Variants in ZSCAN1 observed in about 807,000 individuals in gnomAD.
ZSCAN1 encodes zinc finger and SCAN domain containing 1, also known as zinc finger and SCAN domain-containing protein 1.
A neutral mutation model predicts 23.8 loss-of-function variants in ZSCAN1; 23 were observed. The observed-to-expected ratio is 0.97, with a 90% CI of 0.70 to 1.37. The LOEUF is 1.37. ZSCAN1 is among the 40% of genes most tolerant of loss of function. ZSCAN1 has a pLI of 0.00. For synonymous variants in ZSCAN1, 236 were observed against 232.3 expected (o/e 1.02, Z -0.15); for missense variants, 575 against 554.0 (o/e 1.04, Z -0.38).
Position 58,040,255 on chromosome 19 carries a change from G to A in ZSCAN1, c.371-195G>A, listed in dbSNP as rs565958205. ...AGTGAAGAGGGTACTTGTCTTCAGC[G>A]GCCCTCGGTGTCACCACAGGTTCCT... is the stretch of plus-strand genomic sequence containing the variant. On this transcript the variant is annotated intron_variant, in intron 3 of 5. Transcript: ENST00000282326. This position sits in a 1 kb window ranked among gnomAD's most constrained non-coding sequence, Gnocchi z 5.8. Among the ~76,000 whole-genome samples, 7 of 152,084 alleles carry A rather than the reference G, an allele frequency of 4.6e-5. No homozygotes were observed. The highest frequency in any genetic ancestry group is 7.4e-5 in the Non-Finnish European group (5 of 68,010).
chr19:58,034,526 C>T (rs1568599890), intron 1 of ZSCAN1, among the ~76,000 whole-genome samples: 1 of 151,988 alleles, frequency 6.6e-6, no homozygotes, highest in Non-Finnish European at 1.5e-5. Flanking sequence ...ACCGCTCGGC[C>T]GCGTCCAAGT....
intron 3 of ZSCAN1, among the ~76,000 whole-genome samples, chr19:58,039,316 C>A (rs2073766754): frequency 6.6e-6 from 1 of 152,200 alleles, no homozygotes; most frequent in African/African-American, 2.4e-5. Context: ...CCAGAGCCAC[C>A]CTTGCTAGTT....
chr19:58,039,278 G>A lies in ZSCAN1; in HGVS notation c.370+1072G>A, dbSNP rs1001885618. 7.9e-5 allele frequency among the ~76,000 whole-genome samples: 12 copies of A among 152,290 alleles called. No individual in the cohort carries two copies. In the South Asian group the frequency reaches 1.0e-3, roughly 13 times the overall value. On this transcript the variant is annotated intron_variant, in intron 3 of 5. Coordinates refer to ENST00000282326, the MANE Select transcript of ZSCAN1 (RefSeq NM_182572.4). ...GGGCCCAAGAGCACTGGCTTCTGGC[G>A]CTCTGTGGACCTCACAGCCATCCCA...
Position 58,040,652 on chromosome 19 carries a change from A to T in ZSCAN1, c.465+108A>T. 9.0e-7 allele frequency: 1 copy of T among 1,116,836 alleles called. No homozygotes were observed. The highest frequency in any genetic ancestry group is 1.3e-6 in the Non-Finnish European group (1 of 765,168). The allele number at this position is 1,116,836 out of a possible 1,614,324, so 69.2% of individuals were successfully genotyped here. A position where few individuals can be genotyped will look rare whatever the true frequency, so the allele number is the denominator to read the frequency against. ...CCAAGGACTGTGTGAGGTTGTCCCC[A>T]GCGCTCCCAGGAAGCCCGGCCTCCA... On this transcript the variant is annotated intron_variant, in intron 4 of 5. Coordinates refer to ENST00000282326, the MANE Select transcript of ZSCAN1 (RefSeq NM_182572.4). The surrounding 1 kb of genome is among the most constrained non-coding windows in gnomAD (Gnocchi z 5.8).
rs542464502 is a variant in ZSCAN1, at chr19:58,053,658, C to T, written c.834C>T (p.Gly278=). Residue 278 remains glycine, a synonymous_variant, in exon 6 of 6, where the codon GGC becomes GGT. Coordinates refer to ENST00000282326, the MANE Select transcript of ZSCAN1 (RefSeq NM_182572.4). The surrounding 1 kb of genome is among the most constrained non-coding windows in gnomAD (Gnocchi z 5.8). The part of the protein sequence containing the change: ...TKGGTQEAVA[G]ISVVPRGPRG... ...GTGGTACCCAAGAGGCTGTTGCAGGCATCTCGGTAGTGCCGCGTGGGCCCC... is the reference window on the plus strand; with the variant it reads ...GTGGTACCCAAGAGGCTGTTGCAGGTATCTCGGTAGTGCCGCGTGGGCCCC... 5 of 1,614,200 alleles carry T rather than the reference C, an allele frequency of 3.1e-6. No individual in the cohort carries two copies. The highest frequency in any genetic ancestry group is 3.4e-6 in the Non-Finnish European group (4 of 1,180,030).
intron 4 of ZSCAN1, among the ~76,000 whole-genome samples, chr19:58,042,068 A>G (rs1417724131): frequency 6.6e-6 from 1 of 152,220 alleles, no homozygotes; most frequent in Non-Finnish European, 1.5e-5. Context: ...GGACCAGTAT[A>G]GGCACACCAG....
chr19:58,035,006 C>G (rs7259462), intron 1 of ZSCAN1, among the ~76,000 whole-genome samples: 1 of 151,892 alleles, frequency 6.6e-6, no homozygotes, highest in African/African-American at 2.4e-5. Context: ...TGCCCATCCC[C>G]GCAATAGAAT....
intron 2 of ZSCAN1, among the ~76,000 whole-genome samples, chr19:58,036,459 T>C (rs1274955792): frequency 1.3e-5 from 2 of 152,132 alleles, no homozygotes; most frequent in African/African-American, 2.4e-5. Flanking sequence ...TTCAGTTATA[T>C]GTTCACCATA....
rs2073816310 is a variant in ZSCAN1 at position 58,045,076 on chromosome 19, A to G, written c.465+4532A>G. 4.2e-6 allele frequency: 5 copies of G among 1,181,132 alleles called. No homozygotes were observed. The highest frequency in any genetic ancestry group is 6.3e-6 in the Non-Finnish European group (5 of 789,060). 73.2% of individuals were successfully genotyped at this position (1,181,132 alleles called of 1,614,324 possible). On this transcript the variant is annotated intron_variant, in intron 4 of 5. Transcript: ENST00000282326. This position sits in a 1 kb window ranked among gnomAD's most constrained non-coding sequence, Gnocchi z 4.3. ...AGGGTGCTGGGCGAGCTGAGGCACT[A>G]CTACCATGGCTTCCGCCTGCTACGG...
chr19:58,048,579 A>C (rs1029008119), intron 4 of ZSCAN1, among the ~76,000 whole-genome samples: 1 of 152,184 alleles, frequency 6.6e-6, no homozygotes, highest in Non-Finnish European at 1.5e-5. Flanking sequence ...TCCTGGGTTC[A>C]AATGATTCTC....
At position 58,045,201 on chromosome 19, in the gene ZSCAN1, C is replaced by T; in HGVS notation, c.465+4657C>T. The T allele has an allele frequency of 1.1e-6, 1 of 876,438 alleles. No homozygotes were observed. Among genetic ancestry groups the T allele is most frequent in the East Asian group, 2.4e-5 (1 of 41,352 alleles). 54.3% of individuals were successfully genotyped at this position (876,438 alleles called of 1,614,324 possible). A position where few individuals can be genotyped will look rare whatever the true frequency, so the allele number is the denominator to read the frequency against. The stretch of plus-strand genomic sequence containing the variant: ...GCAGTTGCTCCGGTTCTGTGCCGAC[C>T]TCTTCCGCCTGGTGCCGTTCCTCCT... On this transcript the variant is annotated intron_variant, in intron 4 of 5. Transcript: ENST00000282326. The surrounding 1 kb of genome is among the most constrained non-coding windows in gnomAD (Gnocchi z 4.3).
intron 3 of ZSCAN1, among the ~76,000 whole-genome samples, chr19:58,039,679 G>A (rs1392933511): frequency 6.6e-6 from 1 of 150,762 alleles, no homozygotes; most frequent in African/African-American, 2.4e-5. Flanking sequence ...GCTGAGGCAG[G>A]AGAATCGCTT....
At chr19:58,055,266 C>T (rs2123449499), downstream of ZSCAN1, among the ~76,000 whole-genome samples, 1 of 152,262 alleles carries the variant, frequency 6.6e-6, no homozygotes, top group African/African-American at 2.4e-5. Flanking sequence ...CACTCTCGGC[C>T]TCTGTCCCCG....
rs1259261333 is a variant in ZSCAN1 at position 58,040,168 on chromosome 19, TAGTC to T, written c.371-278_371-275del. 6.6e-6 allele frequency among the ~76,000 whole-genome samples: 1 copy of T among 152,144 alleles called. No homozygotes were observed. Among genetic ancestry groups the T allele is most frequent in the Admixed American group, 6.5e-5 (1 of 15,278 alleles). ...CTCACAGTGCTCGGGCCTCCCTAGT[TAGTC>T]AGTGCTGCAGTGTGTGTCCTCGTGG... On this transcript the variant is annotated intron_variant, in intron 3 of 5. Coordinates refer to ENST00000282326, the MANE Select transcript of ZSCAN1 (RefSeq NM_182572.4). The surrounding 1 kb of genome is among the most constrained non-coding windows in gnomAD (Gnocchi z 5.8).
In ZSCAN1 at chr19:58,040,552, CG is replaced by C; in HGVS notation, c.465+12del. The C allele has an allele frequency of 6.2e-7, 1 of 1,613,014 alleles. No individual in the cohort carries two copies. Among genetic ancestry groups the C allele is most frequent in the Non-Finnish European group, 8.5e-7 (1 of 1,179,882 alleles). On this transcript the variant is annotated intron_variant, in intron 4 of 5. Coordinates refer to ENST00000282326, the MANE Select transcript of ZSCAN1 (RefSeq NM_182572.4). This position sits in a 1 kb window ranked among gnomAD's most constrained non-coding sequence, Gnocchi z 5.8. ...CAGAAAGAACCATCGCAGGTGAGCC[CG>C]GGGCCCCCAGCTCCGTGCTCCTGCA...
Position 58,037,961 on chromosome 19 carries a change from G to C in ZSCAN1, c.125G>C (p.Arg42Pro), listed in dbSNP as rs201440743. 1.9e-6 allele frequency: 3 copies of C among 1,605,128 alleles called. No individual in the cohort carries two copies. Among genetic ancestry groups the C allele is most frequent in the Non-Finnish European group, 2.5e-6 (3 of 1,179,314 alleles). The change falls in exon 3 of 6, where the codon CGG becomes CCG. Residue 42 changes from arginine to proline, a missense_variant. Arg to Pro is a moderately radical substitution (Grantham distance 103). Transcript: ENST00000282326. ...RDTEAQRLRF[R>P]QFQYHVASGP... Reference sequence around the variant, plus strand: ...ACCGAAGCCCAGCGTCTGCGCTTCCGGCAGTTCCAGTACCACGTGGCGAGC... The same window carrying C: ...ACCGAAGCCCAGCGTCTGCGCTTCCCGCAGTTCCAGTACCACGTGGCGAGC...
At chr19:58,042,262 A>C (rs1314866804) in intron 4 of ZSCAN1, among the ~76,000 whole-genome samples, 2 of 148,458 alleles carry the variant, frequency 1.3e-5, no homozygotes, top group African/African-American at 2.5e-5. Context: ...CTTCTACTTT[A>C]CTTTTTTTTT....
intron 4 of ZSCAN1, among the ~76,000 whole-genome samples, chr19:58,050,329 G>A (rs888765817): frequency 2.6e-5 from 4 of 151,484 alleles, no homozygotes; most frequent in South Asian, 2.1e-4. Flanking sequence ...CCAGCTACTC[G>A]GGAGGCTGAG....
At position 58,038,148 on chromosome 19, in the gene ZSCAN1, A is replaced by C; in HGVS notation, c.312A>C (p.Arg104=). 1 of 1,609,504 alleles carries C rather than the reference A, an allele frequency of 6.2e-7. No homozygotes were observed. Among genetic ancestry groups the C allele is most frequent in the Non-Finnish European group, 8.5e-7 (1 of 1,179,306 alleles). ...MRTWVQSQGP[R]SCREAASLVE... is the part of the protein sequence containing the mutation. ...CCTGGGTGCAGTCACAGGGCCCCCG[A>C]AGCTGCAGGGAGGCCGCCAGCCTGG... The change falls in exon 3 of 6, where the codon CGA becomes CGC. Residue 104 remains arginine (R), a synonymous_variant. Transcript: ENST00000282326.
Sources: allele counts gnomAD v4.1 joint callset (sites outside exome capture counted in the v4.1 genomes callset), GRCh38; gene constraint gnomAD v4.1.1; non-coding constraint Gnocchi (gnomAD v3.1); transcripts MANE v1.5; gene names NCBI Gene and HGNC (gene_info 2026-07-23, HGNC 2026-07-21).